SPTLC3: variants seen among roughly 807,000 people sequenced by gnomAD.
The protein encoded by SPTLC3 is serine palmitoyltransferase long chain base subunit 3, also known as serine palmitoyltransferase 3.
SPTLC3 carries 36 observed loss-of-function variants against 59.3 expected under a neutral mutation model. The ratio of observed to expected loss-of-function variants is 0.61; its 90% CI spans 0.47 to 0.80. The LOEUF is 0.80. Among genes scored for constraint, SPTLC3 ranks in the 30% least tolerant of loss-of-function variants. The pLI, the probability that SPTLC3 is intolerant of heterozygous loss-of-function variation, is 0.00. For missense variants in SPTLC3, 625 were observed against 685.1 expected, an observed-to-expected ratio of 0.91 and a Z score of 0.98; for synonymous variants, 257 against 240.8, an observed-to-expected ratio of 1.07 and a Z score of -0.62.
At chr20:13,041,855 G>C (rs879371523) in intron 1 of SPTLC3, among the ~76,000 whole-genome samples, 1 of 151,878 alleles carries the variant, frequency 6.6e-6, no homozygotes, top group Non-Finnish European at 1.5e-5. Flanking sequence ...GCCACTTAGA[G>C]AGTGCAGACT....
chr20:13,034,659 A>T (rs554661677), intron 1 of SPTLC3, among the ~76,000 whole-genome samples: 25 of 152,260 alleles, frequency 1.6e-4, no homozygotes, highest in African/African-American at 6.0e-4. Context: ...AAGTACAGAG[A>T]CCTTCAGTAA....
At chr20:13,153,145 CA>C (rs1238222390) in intron 9 of SPTLC3, among the ~76,000 whole-genome samples, 1 of 152,204 alleles carries the variant, frequency 6.6e-6, no homozygotes, top group African/African-American at 2.4e-5. Context: ...TCTTATTGAG[CA>C]AACACTATCT....
chr20:13,042,702 G>C (rs566053538), intron 1 of SPTLC3, among the ~76,000 whole-genome samples: 1 of 152,182 alleles, frequency 6.6e-6, no homozygotes, highest in Non-Finnish European at 1.5e-5. Flanking sequence ...TTGGCCACCT[G>C]CTCAAAGTAG....
intron 1 of SPTLC3, among the ~76,000 whole-genome samples, chr20:13,011,232 A>C (rs6033570): frequency 0.41 from 62,663 of 152,078 alleles, 14,326 homozygotes; most frequent in Middle Eastern, 0.59. Flanking sequence ...CTTTACTCTC[A>C]AGTTCCTTTG....
chr20:13,032,158 A>G (rs1319596888), intron 1 of SPTLC3, among the ~76,000 whole-genome samples: 2 of 152,164 alleles, frequency 1.3e-5, no homozygotes, highest in African/African-American at 4.8e-5. Context: ...GTTTTCTCTG[A>G]TTTATCAGAA....
intron 9 of SPTLC3, among the ~76,000 whole-genome samples, chr20:13,141,109 G>A (rs969755528): frequency 1.3e-5 from 2 of 152,196 alleles, no homozygotes; most frequent in Non-Finnish European, 2.9e-5. Context: ...GGGAAAGAAA[G>A]GAGTACACTG....
chr20:13,075,286 G>T (rs1988604631), intron 4 of SPTLC3, among the ~76,000 whole-genome samples: 1 of 152,124 alleles, frequency 6.6e-6, no homozygotes, highest in Non-Finnish European at 1.5e-5. Flanking sequence ...CTCTACTACA[G>T]CCCTTCTCCC....
intron 1 of SPTLC3, among the ~76,000 whole-genome samples, chr20:13,024,355 T>A (rs555745707): frequency 1.1e-4 from 16 of 151,148 alleles, no homozygotes; most frequent in Non-Finnish European, 2.4e-4. Context: ...ATCTACTACC[T>A]AGATTCTAGT....
Position 13,117,630 on chromosome 20 carries a change from G to T in SPTLC3, c.1057G>T (p.Glu353Ter). ...AVGPTGRGVT[E>*]FFGLDPHEVD... ...GGGCCCAACCGGCCGGGGTGTCACG[G>T]AGTTCTTTGGACTAGACCCTCATGA... Residue 353 changes from glutamate (E) to a stop codon, truncating the protein, a stop_gained, in exon 8 of 12, where the codon GAG (glutamate) becomes TAG (stop). Transcript: ENST00000399002. LOFTEE classifies it high-confidence loss of function. 6.2e-7 allele frequency: 1 copy of T among 1,614,108 alleles called. No individual in the cohort carries two copies. Among genetic ancestry groups the T allele is most frequent in the South Asian group, 1.1e-5 (1 of 91,076 alleles).
chr20:13,125,974 G>A (rs1243480589), intron 8 of SPTLC3, among the ~76,000 whole-genome samples: 1 of 152,132 alleles, frequency 6.6e-6, no homozygotes, highest in Non-Finnish European at 1.5e-5. Flanking sequence ...CTGCTTTCTT[G>A]CTTCTGTTCC....
At chr20:13,015,511 T>G (rs1816327393) in intron 1 of SPTLC3, among the ~76,000 whole-genome samples, 1 of 152,056 alleles carries the variant, frequency 6.6e-6, no homozygotes, top group Non-Finnish European at 1.5e-5. Flanking sequence ...TGAAAATAAG[T>G]GGAAAGGCAT....
intron 8 of SPTLC3, among the ~76,000 whole-genome samples, chr20:13,118,950 G>A (rs368540820): frequency 1.3e-5 from 2 of 152,140 alleles, no homozygotes; most frequent in Non-Finnish European, 2.9e-5. Flanking sequence ...GCTTTCTTTC[G>A]GGCTCAAAGC....
intron 1 of SPTLC3, among the ~76,000 whole-genome samples, chr20:13,025,960 C>T (rs1986120917): frequency 1.3e-5 from 2 of 152,132 alleles, no homozygotes; most frequent in Admixed American, 1.3e-4. Flanking sequence ...TTAGCTCCCA[C>T]TTCTGAGAAC....
chr20:13,140,426 G>C (rs112722936), intron 9 of SPTLC3, among the ~76,000 whole-genome samples: 1 of 152,166 alleles, frequency 6.6e-6, no homozygotes, highest in African/African-American at 2.4e-5. Context: ...CAGCCCTTGA[G>C]TAACTAAGGT....
rs1987533155 is a variant in SPTLC3 at position 13,052,372 on chromosome 20, A to C, written c.303+3242A>C. ...ACTACACTTTTCCCACAGTCTTCACAACCCGCAGACCAGGAGATTCCCTCA... is the reference window on the plus strand; with the variant it reads ...ACTACACTTTTCCCACAGTCTTCACCACCCGCAGACCAGGAGATTCCCTCA... On this transcript the variant is annotated intron_variant, in intron 2 of 11. Transcript: ENST00000399002. Among the ~76,000 whole-genome samples the C allele has an allele frequency of 1.3e-5, 2 of 152,170 alleles. 1 individual carries two copies. Among genetic ancestry groups the C allele is most frequent in the South Asian group, 4.1e-4 (2 of 4,830 alleles).
chr20:13,115,881 G>A (rs1018120969), intron 7 of SPTLC3, among the ~76,000 whole-genome samples: 1 of 152,148 alleles, frequency 6.6e-6, no homozygotes, highest in Non-Finnish European at 1.5e-5. Context: ...GGAAACTGAA[G>A]CAGAGAACAT....
intron 4 of SPTLC3, among the ~76,000 whole-genome samples, chr20:13,082,036 A>G (rs1988857120): frequency 6.6e-6 from 1 of 152,204 alleles, no homozygotes; most frequent in Non-Finnish European, 1.5e-5. Flanking sequence ...ACTAGCAGGC[A>G]TATTTCTGCA....
At chr20:13,088,219 T>C (rs905759495) in intron 4 of SPTLC3, among the ~76,000 whole-genome samples, 1 of 152,264 alleles carries the variant, frequency 6.6e-6, no homozygotes, top group African/African-American at 2.4e-5. Context: ...ATAATATATC[T>C]TTGATAATAC....
At chr20:13,072,155 G>A in intron 2 of SPTLC3, 101 bp from the exon 3 acceptor site, 1 of 1,320,040 alleles carries the variant, frequency 7.6e-7, no homozygotes, top group Non-Finnish European at 1.0e-6. Flanking sequence ...CTGTAGATGT[G>A]TTATTTCCAC....
Sources: allele counts gnomAD v4.1 joint callset (sites outside exome capture counted in the v4.1 genomes callset), GRCh38; gene constraint gnomAD v4.1.1; transcripts MANE v1.5; gene names NCBI Gene and HGNC (gene_info 2026-07-23, HGNC 2026-07-21).